The following PDLIM2 variants were observed in gnomAD, a reference collection of about 807,000 sequenced individuals.
PDLIM2 encodes PDZ and LIM domain 2.
In PDLIM2, 51 loss-of-function variants were observed where a neutral mutation model predicts 54.1. The ratio of observed to expected loss-of-function variants is 0.94; its 90% confidence interval spans 0.75 to 1.19. The LOEUF (loss-of-function observed/expected upper bound fraction) is 1.19, where lower values mean the gene tolerates loss of function less well. PDLIM2 is among the 50% of genes most tolerant of loss of function. The pLI is 0.00. For missense variants in PDLIM2, 912 were observed against 874.0 expected (o/e 1.04, Z -0.55); for synonymous variants, 398 against 385.6 (o/e 1.03, Z -0.38).
chr8:22,589,507 T>TC, intron 7 of PDLIM2, 89 bp from the exon 7 acceptor site: 1 of 896,868 alleles, frequency 1.1e-6, no homozygotes, highest in South Asian at 2.0e-5. Context: ...TTCCTCCCCC[T>TC]CCCCCACGCT....
exon 8 of PDLIM2, chr8:22,589,601 A>G: frequency 6.2e-7 from 1 of 1,601,730 alleles, no homozygotes; most frequent in East Asian, 2.2e-5. Flanking sequence ...TGCAGCATGG[A>G]CTCGGAAGGG....
At chr8:22,589,504 C>A (rs1289360932) in intron 7 of PDLIM2, 92 bp from the exon 7 acceptor site, 2 of 1,506,422 alleles carry the variant, frequency 1.3e-6, no homozygotes, top group Non-Finnish European at 1.8e-6. Flanking sequence ...AGATTCCTCC[C>A]CCTCCCCCAC....
rs1477037030 is a variant in PDLIM2, at chr8:22,579,583, T to C, written c.748+56T>C. ...GCCTCGGGGACTGGGGTGGGGGCGG[T>C]GCTGGGAACAGAGGCTAGGCCTGGG... On this transcript the variant is annotated intron_variant, in intron 1 of 9. Coordinates refer to ENST00000308354, the Ensembl canonical transcript of PDLIM2. The C allele has an allele frequency of 6.1e-5, 86 of 1,413,586 alleles. No homozygotes were observed. In the East Asian group the frequency reaches 2.5e-3, roughly 42 times the overall value. 87.6% of individuals were successfully genotyped at this position (1,413,586 alleles called of 1,614,324 possible).
chr8:22,582,899 C>T (rs1302610535), intron 3 of PDLIM2, among the ~76,000 whole-genome samples: 3 of 130,198 alleles, frequency 2.3e-5, no homozygotes, highest in Non-Finnish European at 3.3e-5. Flanking sequence ...CTTTTGCTGA[C>T]GTGATGCCCA....
Position 22,584,807 on chromosome 8 carries a change from T to C in PDLIM2, c.996-14T>C, listed in dbSNP as rs372456691. The C allele has an allele frequency of 4.6e-5, 74 of 1,613,610 alleles. No individual in the cohort carries two copies. The highest frequency in any genetic ancestry group is 6.0e-5 in the Non-Finnish European group (71 of 1,179,658). ...GGGCCCCTGTGACATTCCCTCCCTC[T>C]GTTGCCTTCTCAGGTCTCAGGCTAC... On this transcript the variant is annotated splice_polypyrimidine_tract_variant and intron_variant, in intron 3 of 9. Coordinates refer to ENST00000308354, the Ensembl canonical transcript of PDLIM2.
chr8:22,589,897 G>A lies in PDLIM2; in HGVS notation c.1513+156G>A. 1.8e-6 allele frequency: 2 copies of A among 1,089,312 alleles called. 1 individual carries two copies. Among genetic ancestry groups the A allele is most frequent in the South Asian group, 3.3e-5 (2 of 60,992 alleles). 67.5% of individuals were successfully genotyped at this position (1,089,312 alleles called of 1,614,324 possible). A position where few individuals can be genotyped will look rare whatever the true frequency, so the allele number is the denominator to read the frequency against. On this transcript the variant is annotated intron_variant, in intron 8 of 9. Transcript: ENST00000308354. ...AGCAGAGCGCGAAGCCCCAGCCCCT[G>A]CCCATAAGGAGCTGACGGTCCGGGA...
chr8:22,581,421 G>A (rs952727467), exon 3 of PDLIM2: 33 of 1,608,118 alleles, frequency 2.1e-5, no homozygotes, highest in Non-Finnish European at 2.7e-5. Context: ...CCTCCGGCCT[G>A]GAGACATAAT....
chr8:22,585,271 G>T (rs770977862), intron 5 of PDLIM2, 50 bp from the exon 5 acceptor site: 8 of 1,604,054 alleles, frequency 5.0e-6, no homozygotes, highest in African/African-American at 2.7e-5. Context: ...CATCCTCCCT[G>T]GGCAGGCTGG....
intron 3 of PDLIM2, among the ~76,000 whole-genome samples, 197 bp downstream of exon 2, chr8:22,581,727 G>C (rs917005446): frequency 6.6e-6 from 1 of 152,238 alleles, no homozygotes; most frequent in African/African-American, 2.4e-5. Flanking sequence ...CCCATGCCTG[G>C]TTGGGTAAAG....
intron 9 of PDLIM2, 123 bp from the exon 9 acceptor site, chr8:22,593,603 AGTCTAGT>A: frequency 1.7e-6 from 1 of 574,878 alleles, no homozygotes. Context: ...AAAAAAAAAA[AGTCTAGT>A]CTCTGAGAAG....
intron 1 of PDLIM2, chr8:22,579,552 G>A (rs1034839112): frequency 7.6e-6 from 11 of 1,445,134 alleles, no homozygotes; most frequent in East Asian, 5.9e-5. Flanking sequence ...GGGCGGCCGC[G>A]AGCCGGCCTC....
At chr8:22,581,456 G>A (rs755738040) in exon 3 of PDLIM2, 62 of 1,607,512 alleles carry the variant, frequency 3.9e-5, no homozygotes, top group Admixed American at 1.0e-4. Context: ...GGGAAAGCGC[G>A]GAGGGCATGC....
At chr8:22,594,785 A>C, downstream of PDLIM2, 1 of 1,357,660 alleles carries the variant, frequency 7.4e-7, no homozygotes, top group Non-Finnish European at 9.7e-7. Context: ...AGGGGGGAAA[A>C]AGGGCAGGGT....
intron 5 of PDLIM2, 36 bp downstream of exon 4, chr8:22,585,198 G>T: frequency 6.2e-7 from 1 of 1,608,506 alleles, no homozygotes; most frequent in Non-Finnish European, 8.5e-7. Flanking sequence ...CTGGTCGCCT[G>T]CGCTGCCAGC....
intron 3 of PDLIM2, among the ~76,000 whole-genome samples, chr8:22,583,864 A>G (rs1311159669): frequency 7.2e-5 from 7 of 97,046 alleles, no homozygotes; most frequent in Admixed American, 2.0e-4. Context: ...GAAAAAAAAA[A>G]AAAAAAAAAA....
intron 8 of PDLIM2, chr8:22,591,205 C>T: frequency 3.2e-6 from 1 of 309,992 alleles, no homozygotes; most frequent in South Asian, 3.1e-5. Context: ...TTGAAAGCCA[C>T]ACCGAGGCAT....
exon 1 of PDLIM2, chr8:22,579,175 C>T (rs1800116326): frequency 2.9e-6 from 4 of 1,364,198 alleles, no homozygotes; most frequent in East Asian, 3.1e-5. Flanking sequence ...TCCCCGCCTT[C>T]CCTCCCTCCC....
intron 2 of PDLIM2, 32 bp from the exon 2 acceptor site, chr8:22,581,347 G>A (rs1404345746): frequency 7.6e-6 from 12 of 1,570,310 alleles, no homozygotes; most frequent in African/African-American, 2.7e-5. Flanking sequence ...GCTGGGCCAC[G>A]GTCTGAGCAT....
intron 3 of PDLIM2, among the ~76,000 whole-genome samples, chr8:22,582,539 C>G (rs1416644408): frequency 6.6e-6 from 1 of 150,430 alleles, no homozygotes; most frequent in Non-Finnish European, 1.5e-5. Context: ...AGTCAGGCCT[C>G]TGGTTCTGCA....
Sources: gnomAD v4.1 joint callset for allele counts (sites outside exome capture counted in the v4.1 genomes callset) on GRCh38, gnomAD v4.1.1 for gene constraint, MANE v1.5 for transcripts, NCBI Gene and HGNC (gene_info 2026-07-23, HGNC 2026-07-21) for gene names.